PRIM2: variants seen among roughly 807,000 people sequenced by gnomAD.
PRIM2 encodes the protein DNA primase large subunit.
Under a neutral mutation model 67.3 loss-of-function variants are expected in PRIM2, and 39 were observed. The observed-to-expected ratio is 0.58, with a 90% CI of 0.45 to 0.76. PRIM2 has a LOEUF of 0.76. PRIM2 is among the 30% of genes least tolerant of loss of function. PRIM2 has a pLI of 0.00. For missense variants in PRIM2, 398 were observed against 598.7 expected, an observed-to-expected ratio of 0.66 and a Z score of 3.50; for synonymous variants, 143 against 198.7, an observed-to-expected ratio of 0.72 and a Z score of 2.36.
chr6:57,282,903 A>G, the PRIM2 span, among the ~76,000 whole-genome samples: 1 of 152,288 alleles, frequency 6.6e-6, no homozygotes, highest in Middle Eastern at 3.4e-3. Flanking sequence ...TACCTGAATT[A>G]TAAGCTGACT....
chr6:57,605,589 C>T (rs1776546391), intron 11 of PRIM2, among the ~76,000 whole-genome samples: 1 of 152,086 alleles, frequency 6.6e-6, no homozygotes, highest in African/African-American at 2.4e-5. Context: ...ACAAATCTGT[C>T]ATCTGTATGA....
chr6:57,336,397 C>T (rs1334676431), intron 5 of PRIM2, among the ~76,000 whole-genome samples: 34 of 152,130 alleles, frequency 2.2e-4, no homozygotes, highest in Admixed American at 2.2e-3. Flanking sequence ...AACTGCAAGA[C>T]ACATAGTTGT....
the PRIM2 span, among the ~76,000 whole-genome samples, chr6:57,268,493 C>T: frequency 1.3e-5 from 2 of 151,920 alleles, no homozygotes; most frequent in African/African-American, 2.4e-5. Flanking sequence ...GGTTAACATT[C>T]TTGGTAGAAA....
At chr6:57,463,228 A>G (rs1416575426) in intron 7 of PRIM2, among the ~76,000 whole-genome samples, 1 of 152,250 alleles carries the variant, frequency 6.6e-6, no homozygotes, top group Non-Finnish European at 1.5e-5. Flanking sequence ...ATGGTGGCTC[A>G]TGCCTATAAT....
chr6:57,609,864 C>A (rs1248822450), intron 12 of PRIM2, among the ~76,000 whole-genome samples: 1 of 152,122 alleles, frequency 6.6e-6, no homozygotes, highest in African/African-American at 2.4e-5. Flanking sequence ...GATGAAAATT[C>A]CATGTAAAAC....
rs546664495 is a variant in PRIM2, at chr6:57,395,752, T to C, written c.693+13584T>C. On this transcript the variant is annotated intron_variant, in intron 7 of 13. Transcript: ENST00000615550. ...TTCTCTAGTCCTTGAGGTGTGACCT[T>C]AGAATGTCAATTTGTGCTCTTACAG... is the stretch of plus-strand genomic sequence containing the variant. Among the ~76,000 whole-genome samples the C allele has an allele frequency of 1.3e-4, 20 of 152,298 alleles. No homozygotes were observed. In the South Asian group the frequency reaches 4.1e-3, roughly 32 times the overall value.
At chr6:57,533,191 T>A (rs1243564690) in intron 9 of PRIM2, among the ~76,000 whole-genome samples, 2 of 152,052 alleles carry the variant, frequency 1.3e-5, no homozygotes, top group Non-Finnish European at 2.9e-5. Context: ...AATAGATAGC[T>A]TATTTTAGCA....
At chr6:57,579,496 C>T (rs1776039292) in intron 10 of PRIM2, among the ~76,000 whole-genome samples, 1 of 152,050 alleles carries the variant, frequency 6.6e-6, no homozygotes, top group East Asian at 1.9e-4. Context: ...TAGAAGATAA[C>T]ATGTAATCTA....
chr6:57,263,892 G>A, the PRIM2 span, among the ~76,000 whole-genome samples: 1 of 152,140 alleles, frequency 6.6e-6, no homozygotes, highest in African/African-American at 2.4e-5. Context: ...CTAAGTGACC[G>A]GGCTGAGGCT....
At position 57,594,880 on chromosome 6, in the gene PRIM2, G is replaced by T. The variant is rs1582010503; in HGVS notation, c.1021-6213G>T. ...TTGTTACAATTACATTTGACAAAAG[G>T]CTTGTGTCCAGAATATATAAAGAAT... On this transcript the variant is annotated intron_variant, in intron 10 of 13. Transcript: ENST00000615550. Among the ~76,000 whole-genome samples, 7 of 152,260 alleles carry T rather than the reference G, an allele frequency of 4.6e-5. No individual in the cohort carries two copies. The South Asian group carries it at 1.5e-3, about 32-fold the overall frequency.
chr6:57,365,601 T>C (rs556663825), intron 5 of PRIM2, among the ~76,000 whole-genome samples: 2 of 152,332 alleles, frequency 1.3e-5, no homozygotes, highest in African/African-American at 4.8e-5. Flanking sequence ...TCAGTTTGAA[T>C]ATTGTCACTT....
At chr6:57,551,189 A>G (rs1420530631) in intron 10 of PRIM2, among the ~76,000 whole-genome samples, 2 of 152,330 alleles carry the variant, frequency 1.3e-5, no homozygotes, top group African/African-American at 2.4e-5. Flanking sequence ...AAGAGAATAT[A>G]TAAGTTTAAA....
intron 10 of PRIM2, among the ~76,000 whole-genome samples, chr6:57,549,313 G>A (rs1644783282): frequency 6.6e-6 from 1 of 152,200 alleles, no homozygotes; most frequent in African/African-American, 2.4e-5. Flanking sequence ...TCGATGGAGA[G>A]TTTAATGTGT....
intron 11 of PRIM2, among the ~76,000 whole-genome samples, chr6:57,606,137 C>T (rs1406093428): frequency 6.6e-6 from 1 of 152,178 alleles, no homozygotes; most frequent in Non-Finnish European, 1.5e-5. Flanking sequence ...GACATCTTAG[C>T]CTGAGAATGC....
the PRIM2 span, among the ~76,000 whole-genome samples, chr6:57,251,738 T>C: frequency 6.6e-6 from 1 of 152,216 alleles, no homozygotes; most frequent in Non-Finnish European, 1.5e-5. Flanking sequence ...GATCTTTATA[T>C]ATTTGAAGAA....
At chr6:57,326,703 A>G (rs1473938123) in intron 5 of PRIM2, among the ~76,000 whole-genome samples, 1 of 151,630 alleles carries the variant, frequency 6.6e-6, no homozygotes, top group East Asian at 1.9e-4. Flanking sequence ...TCTGGGCGAA[A>G]GAGCAAGACT....
chr6:57,292,954 A>C, the PRIM2 span, among the ~76,000 whole-genome samples: 1 of 152,236 alleles, frequency 6.6e-6, no homozygotes, highest in Non-Finnish European at 1.5e-5. Context: ...TGAAAACACC[A>C]AAAGCAATGG....
chr6:57,560,218 A>T (rs1387650678), intron 10 of PRIM2, among the ~76,000 whole-genome samples: 2 of 152,076 alleles, frequency 1.3e-5, no homozygotes, highest in East Asian at 3.9e-4. Flanking sequence ...AGTTTCCATC[A>T]GGAATAGAAA....
At chr6:57,296,260 C>G in the PRIM2 span, among the ~76,000 whole-genome samples, 17 of 151,592 alleles carry the variant, frequency 1.1e-4, no homozygotes, top group African/African-American at 4.1e-4. Flanking sequence ...GAATTATATA[C>G]AAATATTGTA....
Sources: gnomAD v4.1 joint callset for allele counts (sites outside exome capture counted in the v4.1 genomes callset) on GRCh38, gnomAD v4.1.1 for gene constraint, MANE v1.5 for transcripts, NCBI Gene and HGNC (gene_info 2026-07-23, HGNC 2026-07-21) for gene names.